The following SLC39A8 variants were observed in gnomAD, a reference collection of about 807,000 sequenced individuals.
SLC39A8 encodes solute carrier family 39 member 8.
Under a neutral mutation model 40.4 loss-of-function variants are expected in SLC39A8, and 15 were observed. That is an observed-to-expected ratio of 0.37 (90% CI 0.25 to 0.57). The LOEUF (loss-of-function observed/expected upper bound fraction) is 0.57. Among genes scored for constraint, SLC39A8 ranks in the 20% least tolerant of loss-of-function variants. The probability of loss-of-function intolerance (pLI) is 0.75; values close to 1 mark genes in which losing one functional copy is unlikely to be tolerated. For synonymous variants in SLC39A8, 223 were observed against 221.6 expected, an observed-to-expected ratio of 1.01 and a Z score of -0.06; for missense variants, 472 against 558.8, an observed-to-expected ratio of 0.84 and a Z score of 1.57.
chr4:102,287,451 A>G, intron 6 of SLC39A8, among the ~76,000 whole-genome samples: 1 of 152,152 alleles, frequency 6.6e-6, no homozygotes, highest in East Asian at 1.9e-4. Flanking sequence ...AAAGTCTTAC[A>G]TATCTGTCAA....
At chr4:102,328,230 T>C (rs1028226233) in intron 2 of SLC39A8, among the ~76,000 whole-genome samples, 3 of 152,214 alleles carry the variant, frequency 2.0e-5, no homozygotes, top group East Asian at 1.9e-4. Context: ...CCTCAACCCA[T>C]TGTGGTCTGG....
intron 6 of SLC39A8, among the ~76,000 whole-genome samples, chr4:102,269,503 C>G (rs1732250253): frequency 6.6e-6 from 1 of 152,158 alleles, no homozygotes; most frequent in African/African-American, 2.4e-5. Context: ...AGCAAAGGCA[C>G]ATAGCATTTA....
intron 2 of SLC39A8, among the ~76,000 whole-genome samples, chr4:102,330,888 G>A (rs1325884675): frequency 6.6e-6 from 1 of 152,122 alleles, no homozygotes; most frequent in African/African-American, 2.4e-5. Flanking sequence ...ATCAATAAAC[G>A]TAATCCATCA....
intron 2 of SLC39A8, among the ~76,000 whole-genome samples, chr4:102,325,386 CACAT>C (rs1323924847): frequency 1.3e-5 from 2 of 151,836 alleles, no homozygotes; most frequent in Admixed American, 6.6e-5. Context: ...CATGCACTCT[CACAT>C]ACATGCACAC....
At chr4:102,268,174 T>C (rs1732191371) in intron 6 of SLC39A8, 95 bp from the exon 7 acceptor site, 13 of 1,283,338 alleles carry the variant, frequency 1.0e-5, no homozygotes, top group African/African-American at 1.5e-5. Flanking sequence ...GAAAAACAAA[T>C]TGTTCCAACA....
At chr4:102,300,909 T>G (rs1030321916) in intron 6 of SLC39A8, among the ~76,000 whole-genome samples, 1 of 152,028 alleles carries the variant, frequency 6.6e-6, no homozygotes, top group Non-Finnish European at 1.5e-5. Flanking sequence ...CTTTTGATTT[T>G]TTGTGCAATG....
At chr4:102,301,337 C>T (rs1326186112) in intron 6 of SLC39A8, among the ~76,000 whole-genome samples, 5 of 151,936 alleles carry the variant, frequency 3.3e-5, no homozygotes, top group East Asian at 1.9e-4. Flanking sequence ...TTTTCTTCCC[C>T]GATATTTGCA....
chr4:102,255,614 G>A (rs1029681035), intron 11 of SLC39A8, among the ~76,000 whole-genome samples: 2 of 152,174 alleles, frequency 1.3e-5, no homozygotes, highest in African/African-American at 4.8e-5. Context: ...TGTGGCAAAT[G>A]GGTGAGGTTA....
intron 3 of SLC39A8, among the ~76,000 whole-genome samples, chr4:102,314,224 G>A (rs1406857037): frequency 6.6e-6 from 1 of 151,838 alleles, no homozygotes; most frequent in Non-Finnish European, 1.5e-5. Context: ...GACTCATCCC[G>A]AATCTACTGC....
At chr4:102,280,007 T>A (rs552935600) in intron 6 of SLC39A8, among the ~76,000 whole-genome samples, 1 of 152,178 alleles carries the variant, frequency 6.6e-6, no homozygotes, top group African/African-American at 2.4e-5. Context: ...CATGTCCAGG[T>A]GCTCAGCAGG....
At chr4:102,334,257 C>G (rs1303247352) in intron 2 of SLC39A8, among the ~76,000 whole-genome samples, 1 of 152,106 alleles carries the variant, frequency 6.6e-6, no homozygotes, top group African/African-American at 2.4e-5. Context: ...TTAAAGTTAG[C>G]CCAAGGAAAA....
At chr4:102,265,675 GA>G (rs1732067576) in intron 8 of SLC39A8, among the ~76,000 whole-genome samples, 1 of 152,198 alleles carries the variant, frequency 6.6e-6, no homozygotes, top group African/African-American at 2.4e-5. Flanking sequence ...GGGGTGGTAT[GA>G]TCATTTACTT....
chr4:102,301,841 A>T (rs918401461), intron 6 of SLC39A8, among the ~76,000 whole-genome samples: 11 of 152,142 alleles, frequency 7.2e-5, no homozygotes, highest in African/African-American at 2.4e-4. Flanking sequence ...ATTATGATTT[A>T]AAAAAATAAT....
At chr4:102,332,418 A>C (rs1159156010) in intron 2 of SLC39A8, among the ~76,000 whole-genome samples, 1 of 152,242 alleles carries the variant, frequency 6.6e-6, no homozygotes, top group African/African-American at 2.4e-5. Context: ...AAAAAAGCTC[A>C]TCATCCACTG....
chr4:102,301,889 C>CCTCCTTTCTAAATATAAATA (rs1437023278), intron 6 of SLC39A8, among the ~76,000 whole-genome samples: 4 of 152,012 alleles, frequency 2.6e-5, no homozygotes, highest in Non-Finnish European at 4.4e-5. Flanking sequence ...TGACAGCCAT[C>CCTCCTTTCTAAATATAAATA]CTCCTTTCTA....
At chr4:102,265,755 GTA>G (rs1578555336) in intron 8 of SLC39A8, among the ~76,000 whole-genome samples, 1 of 152,322 alleles carries the variant, frequency 6.6e-6, no homozygotes, top group East Asian at 1.9e-4. Flanking sequence ...ATCAACAAGA[GTA>G]AAAGTACTGA....
intron 2 of SLC39A8, among the ~76,000 whole-genome samples, chr4:102,336,885 CTACTGTTA>C (rs1176929002): frequency 2.6e-5 from 4 of 152,156 alleles, no homozygotes; most frequent in Admixed American, 6.5e-5. Context: ...AAACAGGAAT[CTACTGTTA>C]TATAAAGTTG....
At chr4:102,333,260 G>C (rs1271449154) in intron 2 of SLC39A8, among the ~76,000 whole-genome samples, 2 of 152,130 alleles carry the variant, frequency 1.3e-5, no homozygotes, top group African/African-American at 2.4e-5. Context: ...TGGATGCAGA[G>C]GGCGGCAGCA....
At chr4:102,276,726 G>A (rs1052937621) in intron 6 of SLC39A8, among the ~76,000 whole-genome samples, 2 of 152,098 alleles carry the variant, frequency 1.3e-5, no homozygotes, top group East Asian at 1.9e-4. Context: ...GAACATCGAC[G>A]CAAAAATCCT....
Sources: allele counts gnomAD v4.1 joint callset (sites outside exome capture counted in the v4.1 genomes callset), GRCh38; gene constraint gnomAD v4.1.1; transcripts MANE v1.5; gene names NCBI Gene and HGNC (gene_info 2026-07-23, HGNC 2026-07-21).